The following PIKFYVE variants were observed in gnomAD, a reference collection of about 807,000 sequenced individuals.
PIKFYVE encodes the protein 1-phosphatidylinositol 3-phosphate 5-kinase.
A neutral mutation model predicts 257.9 loss-of-function variants in PIKFYVE; 122 were observed. The observed-to-expected ratio is 0.47, with a 90% CI of 0.41 to 0.55. PIKFYVE has a LOEUF of 0.55. PIKFYVE is among the 20% of genes least tolerant of loss of function. PIKFYVE has a pLI of 0.00. For missense variants in PIKFYVE, 2,160 were observed against 2,536.6 expected, an observed-to-expected ratio of 0.85 and a Z score of 3.19; for synonymous variants, 892 against 868.9, an observed-to-expected ratio of 1.03 and a Z score of -0.47.
rs781078729 is a variant in PIKFYVE at position 208,273,629 on chromosome 2, G to T, written c.218G>T (p.Ser73Ile). 1 of 1,614,170 alleles carries T rather than the reference G, an allele frequency of 6.2e-7. No individual in the cohort carries two copies. The highest frequency in any genetic ancestry group is 1.1e-5 in the South Asian group (1 of 91,078). ...GGAGAACAGCAGCCTTTGAGTGGAA[G>T]TTGGACCAGCCCTCAGCTCCCTTCG... ...GQGEQQPLSG[S>I]WTSPQLPSRT... Residue 73 changes from serine to isoleucine, a missense_variant, in exon 3 of 42, where the codon AGT (serine) becomes ATT (isoleucine). Coordinates refer to ENST00000264380, the MANE Select transcript of PIKFYVE (RefSeq NM_015040.4).
rs35784095 is a variant in PIKFYVE at position 208,342,611 on chromosome 2, C to T, written c.4989C>T (p.Cys1663=). 26,382 of 1,613,486 alleles carry T rather than the reference C, an allele frequency of 0.016. 270 individuals carry two copies. The highest frequency in any genetic ancestry group is 0.019 in the Non-Finnish European group (22,800 of 1,179,538). Residue 1663 remains cysteine (C), a synonymous_variant, in exon 32 of 42, where the codon TGC becomes TGT. Coordinates refer to ENST00000264380, the MANE Select transcript of PIKFYVE (RefSeq NM_015040.4). ...YEHERVPIAV[C]EKEPSSIIAF... is the part of the protein sequence containing the mutation. The stretch of plus-strand genomic sequence containing the variant: ...ATGAACGAGTGCCCATTGCAGTCTG[C>T]GAGAAGGAACCCAGCTCCATCATTG...
chr2:208,267,254 A>G (rs1688760253), intron 1 of PIKFYVE, among the ~76,000 whole-genome samples: 1 of 151,456 alleles, frequency 6.6e-6, no homozygotes, highest in Admixed American at 6.6e-5. Context: ...CTTTTTTGGC[A>G]CTCCAAAACT....
chr2:208,332,721 CTGTG>C (rs1023913122), intron 23 of PIKFYVE, among the ~76,000 whole-genome samples: 8 of 151,640 alleles, frequency 5.3e-5, no homozygotes, highest in African/African-American at 9.7e-5. Flanking sequence ...AATATACTGG[CTGTG>C]TGTGTGTCCA....
chr2:208,304,382 A>G, intron 11 of PIKFYVE, 64 bp downstream of exon 11: 2 of 1,557,570 alleles, frequency 1.3e-6, no homozygotes, highest in Non-Finnish European at 1.8e-6. Context: ...TGATAAAATG[A>G]TTATCTTGTT....
rs1694154156 is a variant in PIKFYVE, at chr2:208,305,018, G to A, written c.1636+5G>A. 1 of 1,613,942 alleles carries A rather than the reference G, an allele frequency of 6.2e-7. No individual in the cohort carries two copies. The highest frequency in any genetic ancestry group is 8.5e-7 in the Non-Finnish European group (1 of 1,180,000). ...CTCACCCTGCTGACCAAAAAGGTAG[G>A]AGGTAGTCACCATCTGGAATCCAAA... On this transcript the variant is annotated splice_donor_5th_base_variant and intron_variant, in intron 12 of 41. Transcript: ENST00000264380.
intron 3 of PIKFYVE, 94 bp downstream of exon 3, chr2:208,273,827 C>A: frequency 6.6e-7 from 1 of 1,507,280 alleles, no homozygotes; most frequent in Non-Finnish European, 9.2e-7. Flanking sequence ...ACTTAACTTT[C>A]CTGCTATTTG....
intron 23 of PIKFYVE, 80 bp from the exon 24 acceptor site, chr2:208,333,233 CAA>C (rs370703596): frequency 5.4e-4 from 599 of 1,103,926 alleles, no homozygotes; most frequent in Admixed American, 7.0e-4. Flanking sequence ...GACTCCATCT[CAA>C]AAAAAAAAAA....
rs139518254 is a variant in PIKFYVE at position 208,294,327 on chromosome 2, C to T, written c.912-4314C>T. Among the ~76,000 whole-genome samples the T allele has an allele frequency of 3.3e-5, 5 of 152,270 alleles. No individual in the cohort carries two copies. The South Asian group carries it at 8.3e-4, about 25-fold the overall frequency. ...CTGTTCTTGCCTGTTGTTTACTTTTCGCATTAACACCCTTAGCATATTAAT... is the reference window on the plus strand; with the variant it reads ...CTGTTCTTGCCTGTTGTTTACTTTTTGCATTAACACCCTTAGCATATTAAT... On this transcript the variant is annotated intron_variant, in intron 7 of 41. Coordinates refer to ENST00000264380, the MANE Select transcript of PIKFYVE (RefSeq NM_015040.4).
intron 11 of PIKFYVE, among the ~76,000 whole-genome samples, 156 bp from the exon 12 acceptor site, chr2:208,304,690 C>T (rs1266088258): frequency 5.3e-5 from 8 of 152,166 alleles, no homozygotes; most frequent in Non-Finnish European, 8.8e-5. Flanking sequence ...ATTAAGTCTA[C>T]ACAGAAGTAC....
chr2:208,350,747 T>TA (rs769336050), intron 36 of PIKFYVE, 24 bp from the exon 37 acceptor site: 2 of 1,612,922 alleles, frequency 1.2e-6, no homozygotes, highest in Non-Finnish European at 1.7e-6. Context: ...TAAAGCTTTT[T>TA]AAAAAAACTT....
At chr2:208,345,435 T>A (rs1699139595) in intron 33 of PIKFYVE, among the ~76,000 whole-genome samples, 1 of 152,114 alleles carries the variant, frequency 6.6e-6, no homozygotes, top group South Asian at 2.1e-4. Context: ...TATTGCAGAT[T>A]TAAGGACATT....
At position 208,342,997 on chromosome 2, in the gene PIKFYVE, A is replaced by C. The variant is rs1698864858; in HGVS notation, c.5027+348A>C. On this transcript the variant is annotated intron_variant, in intron 32 of 41. Transcript: ENST00000264380. ...TTTAGTAGAGATGGGGTTTCACCAT[A>C]ATGGTTGGGCTGGTCTTGAACTCCT... Among the ~76,000 whole-genome samples the C allele has an allele frequency of 2.0e-5, 3 of 151,868 alleles. No homozygotes were observed. In the South Asian group the frequency reaches 6.3e-4, roughly 32 times the overall value.
intron 16 of PIKFYVE, among the ~76,000 whole-genome samples, chr2:208,320,024 T>G (rs1346018677): frequency 1.3e-5 from 2 of 152,104 alleles, no homozygotes; most frequent in Admixed American, 1.3e-4. Flanking sequence ...CAAAGTAGTA[T>G]TAAGAAAGAA....
chr2:208,317,753 CTTAT>C (rs1350118634), intron 15 of PIKFYVE, 110 bp from the exon 16 acceptor site: 52 of 1,001,212 alleles, frequency 5.2e-5, no homozygotes, highest in Non-Finnish European at 8.0e-5. Flanking sequence ...ATTTTTTGTT[CTTAT>C]TTGATTACAT....
At chr2:208,333,188 C>T (rs556162534) in intron 23 of PIKFYVE, 127 bp from the exon 24 acceptor site, 31 of 890,614 alleles carry the variant, frequency 3.5e-5, no homozygotes, top group African/African-American at 1.0e-4. Context: ...GAGCTGAGAT[C>T]GAGCCACTGC....
intron 13 of PIKFYVE, 93 bp from the exon 14 acceptor site, chr2:208,314,200 AT>A (rs1397177032): frequency 2.1e-6 from 3 of 1,413,334 alleles, no homozygotes; most frequent in Admixed American, 1.9e-5. Flanking sequence ...AACTTAAAAC[AT>A]TTATAAAGAC....
intron 7 of PIKFYVE, among the ~76,000 whole-genome samples, chr2:208,289,379 ATT>A (rs1200439804): frequency 6.6e-6 from 1 of 152,052 alleles, no homozygotes; most frequent in Non-Finnish European, 1.5e-5. Context: ...AGATTTACTA[ATT>A]TATATTTTGT....
At chr2:208,271,758 G>A (rs1574388760) in intron 2 of PIKFYVE, 67 bp downstream of exon 2, 4 of 1,473,088 alleles carry the variant, frequency 2.7e-6, no homozygotes, top group East Asian at 2.3e-5. Flanking sequence ...TTTGTCTCCA[G>A]TGGCTCACCA....
chr2:208,345,209 A>G lies in PIKFYVE; in HGVS notation c.5111+15A>G. 1 of 1,569,026 alleles carries G rather than the reference A, an allele frequency of 6.4e-7. No individual in the cohort carries two copies. Among genetic ancestry groups the G allele is most frequent in the Non-Finnish European group, 8.8e-7 (1 of 1,139,400 alleles). On this transcript the variant is annotated intron_variant, in intron 33 of 41. Transcript: ENST00000264380. ...CCAACAAATAGGTGATTCATGATTGAGTAGAAACTATTTTAATTTAGTTAT... is the reference window on the plus strand; with the variant it reads ...CCAACAAATAGGTGATTCATGATTGGGTAGAAACTATTTTAATTTAGTTAT...
Sources: allele counts gnomAD v4.1 joint callset (sites outside exome capture counted in the v4.1 genomes callset), GRCh38; gene constraint gnomAD v4.1.1; transcripts MANE v1.5; gene names NCBI Gene and HGNC (gene_info 2026-07-23, HGNC 2026-07-21).